ALG9: variants seen among roughly 807,000 people sequenced by gnomAD.
ALG9 encodes the protein ALG9 alpha-1,2-mannosyltransferase.
In ALG9, 55 loss-of-function variants were observed where a neutral mutation model predicts 81.8. The observed-to-expected ratio is 0.67, with a 90% confidence interval of 0.54 to 0.84. ALG9 has a LOEUF of 0.84. Among genes scored for constraint, ALG9 ranks in the 40% least tolerant of loss-of-function variants. The pLI, the probability that ALG9 is intolerant of heterozygous loss-of-function variation, is 0.00. For missense variants in ALG9, 629 were observed against 745.0 expected (o/e 0.84, Z 1.81); for synonymous variants, 278 against 274.3 (o/e 1.01, Z -0.13).
At chr11:111,854,625 T>C (rs904873775) in intron 6 of ALG9, among the ~76,000 whole-genome samples, 21 of 152,210 alleles carry the variant, frequency 1.4e-4, no homozygotes, top group Admixed American at 9.8e-4. Flanking sequence ...AGCAATGTCA[T>C]GTGCTGTCAC....
intron 5 of ALG9, among the ~76,000 whole-genome samples, chr11:111,860,212 T>C (rs1288721789): frequency 6.6e-6 from 1 of 152,222 alleles, no homozygotes; most frequent in Non-Finnish European, 1.5e-5. Context: ...GATGCAAGAA[T>C]GGAATAGAAA....
intron 11 of ALG9, among the ~76,000 whole-genome samples, chr11:111,837,884 G>T (rs1041493037): frequency 7.9e-5 from 12 of 151,922 alleles, no homozygotes; most frequent in African/African-American, 2.7e-4. Flanking sequence ...CATTTTCCTT[G>T]AGCATATTTT....
At chr11:111,792,787 G>A (rs1008124939) in intron 14 of ALG9, among the ~76,000 whole-genome samples, 35 of 152,312 alleles carry the variant, frequency 2.3e-4, no homozygotes, top group African/African-American at 8.4e-4. Context: ...TAACATCAGA[G>A]TGTGGCACTG....
intron 6 of ALG9, among the ~76,000 whole-genome samples, chr11:111,856,019 C>T (rs1291903262): frequency 7.9e-5 from 12 of 152,114 alleles, no homozygotes; most frequent in Admixed American, 7.9e-4. Context: ...TGGCTCACAC[C>T]TGTAAACCCA....
Position 111,809,759 on chromosome 11 carries a change from T to C in ALG9, c.1617A>G (p.Lys539=), listed in dbSNP as rs1555089391. The C allele has an allele frequency of 6.2e-7, 1 of 1,614,010 alleles. No homozygotes were observed. The highest frequency in any genetic ancestry group is 8.5e-7 in the Non-Finnish European group (1 of 1,179,930). ...TGTCCAAATCCACTAAATAATGGCA[T>C]TTACTGATATCAATCTGAAATGGAG... ...EEPSRYIDIS[K]CHYLVDLDTM... The change falls in exon 14 of 15, where the codon AAA becomes AAG. Residue 539 remains lysine, a synonymous_variant. Transcript: ENST00000616540.
At chr11:111,799,139 T>C (rs1393416176) in intron 14 of ALG9, among the ~76,000 whole-genome samples, 1 of 152,182 alleles carries the variant, frequency 6.6e-6, no homozygotes, top group Non-Finnish European at 1.5e-5. Flanking sequence ...CAATTACATA[T>C]AACTCACAGT....
intron 13 of ALG9, among the ~76,000 whole-genome samples, chr11:111,819,164 T>C (rs1555100803): frequency 1.3e-5 from 2 of 152,250 alleles, no homozygotes; most frequent in East Asian, 1.9e-4. Flanking sequence ...TAGAATGCCA[T>C]GTGGGGACAA....
In ALG9 at chr11:111,840,674, A is replaced by G. The variant is rs1555122814; in HGVS notation, c.1154T>C (p.Val385Ala). 2 of 1,614,130 alleles carry G rather than the reference A, an allele frequency of 1.2e-6. No individual in the cohort carries two copies. The highest frequency in any genetic ancestry group is 1.7e-6 in the Non-Finnish European group (2 of 1,179,990). ...VYPLICLCGA[V>A]ALSALQHSFL... ...ACTCACCTGAAGTGCAGAGAGAGCCACAGCGCCACAGAGACATATAAGTGG... is the reference window on the plus strand; with the variant it reads ...ACTCACCTGAAGTGCAGAGAGAGCCGCAGCGCCACAGAGACATATAAGTGG... Residue 385 changes from valine (V) to alanine (A), a missense_variant, in exon 10 of 15, where the codon GTG (valine) becomes GCG (alanine). By Grantham distance (64) the Val-to-Ala change is moderately conservative. Around this residue, in one of 3 missense-constraint regions of ALG9, gnomAD observed 264 missense variants for 302.2 expected, o/e 0.87. Transcript: ENST00000616540.
At chr11:111,777,871 G>A (rs1315018130), downstream of ALG9, among the ~76,000 whole-genome samples, 3 of 152,184 alleles carry the variant, frequency 2.0e-5, no homozygotes. Flanking sequence ...ATGGTACATG[G>A]TATCTTGTTG....
In ALG9 at chr11:111,851,711, T is replaced by C. The variant is rs111581989; in HGVS notation, c.895+1669A>G. Among the ~76,000 whole-genome samples, 1,052 of 152,304 alleles carry C rather than the reference T, an allele frequency of 6.9e-3. 11 individuals are homozygous for C. The highest frequency in any genetic ancestry group is 0.023 in the African/African-American group (976 of 41,570). On this transcript the variant is annotated intron_variant, in intron 8 of 14. Coordinates refer to ENST00000616540, the MANE Select transcript of ALG9 (RefSeq NM_024740.2). Reference sequence around the variant, plus strand: ...AGGCTCTCTGTGAAACAATTTCTACTGTGCAGTCTAGATCTAAGATCTTTT... The same window carrying C: ...AGGCTCTCTGTGAAACAATTTCTACCGTGCAGTCTAGATCTAAGATCTTTT...
intron 13 of ALG9, among the ~76,000 whole-genome samples, chr11:111,823,352 G>A (rs782285626): frequency 5.3e-5 from 8 of 152,098 alleles, no homozygotes; most frequent in Non-Finnish European, 1.0e-4. Context: ...CTAAACTACT[G>A]CTGCTCATCA....
At chr11:111,789,888 C>T (rs1458627143) in intron 14 of ALG9, among the ~76,000 whole-genome samples, 2 of 151,018 alleles carry the variant, frequency 1.3e-5, no homozygotes, top group Non-Finnish European at 2.9e-5. Flanking sequence ...GTGGTGATGA[C>T]TATTTTCCTG....
chr11:111,830,996 C>G lies in ALG9; in HGVS notation c.1602+5169G>C, dbSNP rs182313377. On this transcript the variant is annotated intron_variant, in intron 13 of 14. Coordinates refer to ENST00000616540, the MANE Select transcript of ALG9 (RefSeq NM_024740.2). ...GACCAGCCTGGGCAAGACAGTGAGG[C>G]CCTCTCTCCACAAAAAATTTAAAAA... 7.8e-4 allele frequency among the ~76,000 whole-genome samples: 118 copies of G among 152,128 alleles called. 1 individual carries two copies. The East Asian group carries it at 0.019, about 25-fold the overall frequency.
chr11:111,842,190 C>T (rs1413462903), intron 9 of ALG9, among the ~76,000 whole-genome samples: 5 of 152,184 alleles, frequency 3.3e-5, no homozygotes, highest in Admixed American at 6.5e-5. Flanking sequence ...AGCCACTGTG[C>T]CTGGCCTAAG....
chr11:111,868,781 A>G, intron 2 of ALG9, 45 bp from the exon 3 acceptor site: 3 of 1,522,798 alleles, frequency 2.0e-6, no homozygotes, highest in Non-Finnish European at 2.6e-6. Flanking sequence ...CTGGCCAAAA[A>G]TCTCTGTTAA....
At position 111,789,007 on chromosome 11, in the gene ALG9, C is replaced by CT. The variant is rs553216815; in HGVS notation, c.1734-2488dup. ...GGACCCAATTTTAGTTTTCAACTTT[C>CT]TTTTTTTTTTTTCCCCCAAGAGACA... is the stretch of plus-strand genomic sequence containing the variant. On this transcript the variant is annotated intron_variant, in intron 14 of 14. Transcript: ENST00000616540. Among the ~76,000 whole-genome samples the CT allele has an allele frequency of 9.3e-3, 1,266 of 135,662 alleles. 12 individuals are homozygous for CT. The highest frequency in any genetic ancestry group is 0.018 in the South Asian group (72 of 3,974). The allele number at this position is 135,662 out of a possible 152,430, so 89.0% of individuals were successfully genotyped here.
At chr11:111,836,505 T>C (rs1955299467) in intron 12 of ALG9, among the ~76,000 whole-genome samples, 1 of 152,220 alleles carries the variant, frequency 6.6e-6, no homozygotes, top group African/African-American at 2.4e-5. Flanking sequence ...TCTTGACCCA[T>C]TTCACCAACT....
At chr11:111,831,101 C>T (rs782332024) in intron 13 of ALG9, among the ~76,000 whole-genome samples, 9 of 152,180 alleles carry the variant, frequency 5.9e-5, no homozygotes, top group East Asian at 5.8e-4. Flanking sequence ...AGTGCAGTGG[C>T]GCCATCTCGG....
At chr11:111,818,614 G>A (rs1951868974) in intron 13 of ALG9, among the ~76,000 whole-genome samples, 1 of 152,156 alleles carries the variant, frequency 6.6e-6, no homozygotes, top group Admixed American at 6.5e-5. Context: ...TCTTAAACTA[G>A]GACAGGGCCT....
Sources: gnomAD v4.1 joint callset for allele counts (sites outside exome capture counted in the v4.1 genomes callset) on GRCh38, gnomAD v4.1.1 for gene constraint, gnomAD v4.1.1 regional missense constraint, MANE v1.5 for transcripts, NCBI Gene and HGNC (gene_info 2026-07-23, HGNC 2026-07-21) for gene names.